Variants in RHBDF2 observed in about 807,000 individuals in gnomAD.
RHBDF2 encodes the protein rhomboid 5 homolog 2.
Under a neutral mutation model 95.2 loss-of-function variants are expected in RHBDF2, and 38 were observed. The ratio of observed to expected loss-of-function variants is 0.40; its 90% CI spans 0.31 to 0.52. The LOEUF (loss-of-function observed/expected upper bound fraction) is 0.52. RHBDF2 is among the 20% of genes least tolerant of loss of function. The pLI, the probability that RHBDF2 is intolerant of heterozygous loss-of-function variation, is 0.56. For missense variants in RHBDF2, 863 were observed against 1,137.7 expected (o/e 0.76, Z 3.47); for synonymous variants, 442 against 462.0 (o/e 0.96, Z 0.55).
At chr17:76,484,819 G>T (rs933616954) in intron 2 of RHBDF2, among the ~76,000 whole-genome samples, 2 of 152,140 alleles carry the variant, frequency 1.3e-5, no homozygotes, top group Non-Finnish European at 2.9e-5. Flanking sequence ...TGGGGGTGGG[G>T]TTCATGATCA....
chr17:76,499,701 G>A (rs2074527979), intron 1 of RHBDF2, among the ~76,000 whole-genome samples: 1 of 152,206 alleles, frequency 6.6e-6, no homozygotes, highest in Non-Finnish European at 1.5e-5. Flanking sequence ...GAGTTCAGAA[G>A]GGAAAATTCC....
intron 1 of RHBDF2, among the ~76,000 whole-genome samples, chr17:76,499,338 G>A (rs189866838): frequency 2.6e-5 from 4 of 152,166 alleles, no homozygotes; most frequent in African/African-American, 4.8e-5. Context: ...GGGCATGGAC[G>A]TGGCTGCTTC....
intron 3 of RHBDF2, 34 bp from the exon 4 acceptor site, chr17:76,479,888 G>A: frequency 6.2e-7 from 1 of 1,610,166 alleles, no homozygotes; most frequent in Non-Finnish European, 8.5e-7. Flanking sequence ...AGGCGGTGGT[G>A]TGTGCAGCCC....
At chr17:76,498,828 CTGTG>C (rs2074501304) in intron 1 of RHBDF2, among the ~76,000 whole-genome samples, 7 of 80,122 alleles carry the variant, frequency 8.7e-5, no homozygotes, top group African/African-American at 2.4e-4. Flanking sequence ...GTGTGTGAGT[CTGTG>C]TGTGTCTGTG....
At chr17:76,488,820 C>A (rs535453465) in intron 1 of RHBDF2, among the ~76,000 whole-genome samples, 1 of 152,008 alleles carries the variant, frequency 6.6e-6, no homozygotes, top group Non-Finnish European at 1.5e-5. Flanking sequence ...TGGTGGCGGG[C>A]GCCTGTAATC....
In RHBDF2 at chr17:76,477,776, C is replaced by G; in HGVS notation, c.682G>C (p.Val228Leu). 1 of 1,611,290 alleles carries G rather than the reference C, an allele frequency of 6.2e-7. No individual in the cohort carries two copies. Among genetic ancestry groups the G allele is most frequent in the Non-Finnish European group, 8.5e-7 (1 of 1,179,936 alleles). Residue 228 changes from valine (V) to leucine (L), a missense_variant, in exon 7 of 19, where the codon GTG (valine) becomes CTG (leucine). Val to Leu is a conservative substitution (Grantham distance 32). Around this residue, in one of 2 missense-constraint regions of RHBDF2, gnomAD observed 611 missense variants for 725.5 expected, o/e 0.84. Transcript: ENST00000675367. ...AAAALLKGRS[V>L]LDATGQRCRV... ...CACCGCTGTCCGGTGGCATCCAGCA[C>G]CGAGCGCCCCTGTGCACGGGCAGAG...
Position 76,472,843 on chromosome 17 carries a change from G to A in RHBDF2, c.1911-4C>T, listed in dbSNP as rs778353972. On this transcript the variant is annotated splice_polypyrimidine_tract_variant and splice_region_variant and intron_variant, in intron 17 of 18. Coordinates refer to ENST00000675367, the MANE Select transcript of RHBDF2 (RefSeq NM_001005498.4). ...AGACACGAGGCAGTGCACCACGCTG[G>A]GGGAGGGACACACCAGGCAGCGGCC... is the stretch of plus-strand genomic sequence containing the variant. 3.8e-6 allele frequency: 6 copies of A among 1,586,242 alleles called. No individual in the cohort carries two copies. In the East Asian group the frequency reaches 1.1e-4, roughly 30 times the overall value.
chr17:76,474,336 G>C (rs745478593), intron 12 of RHBDF2, 37 bp downstream of exon 12: 1 of 1,599,088 alleles, frequency 6.3e-7, no homozygotes, highest in Non-Finnish European at 8.5e-7. Context: ...TCCGGGACCA[G>C]GGTCTGGCAG....
chr17:76,476,941 C>T lies in RHBDF2; in HGVS notation c.1004G>A (p.Arg335Gln), dbSNP rs146134173. The change falls in exon 9 of 19, where the codon CGG becomes CAG. Residue 335 changes from arginine to glutamine, a missense_variant. Arg to Gln is a conservative substitution (Grantham distance 43, BLOSUM62 1). Around this residue, in one of 2 missense-constraint regions of RHBDF2, gnomAD observed 611 missense variants for 725.5 expected, o/e 0.84. Transcript: ENST00000675367. ...GCCGAGGCCGTAGTGCCGCTTCTTCCGATCAAAGGCAAAGTGCTTCACCTT... is the reference window on the plus strand; with the variant it reads ...GCCGAGGCCGTAGTGCCGCTTCTTCTGATCAAAGGCAAAGTGCTTCACCTT... ...ASKVKHFAFD[R>Q]KKRHYGLGVV... is the part of the protein sequence containing the mutation. The T allele has an allele frequency of 3.3e-4, 528 of 1,613,970 alleles. 1 individual carries two copies. The highest frequency in any genetic ancestry group is 3.6e-4 in the Non-Finnish European group (430 of 1,180,042).
At chr17:76,481,126 G>A (rs1489819101) in intron 3 of RHBDF2, among the ~76,000 whole-genome samples, 1 of 152,202 alleles carries the variant, frequency 6.6e-6, no homozygotes, top group Admixed American at 6.5e-5. Context: ...TTACCAGCAA[G>A]CACTTTCTTG....
intron 2 of RHBDF2, among the ~76,000 whole-genome samples, chr17:76,482,890 C>T (rs547115805): frequency 3.3e-5 from 5 of 151,944 alleles, no homozygotes; most frequent in African/African-American, 1.2e-4. Flanking sequence ...AATCACACAG[C>T]TGTGTGTGGT....
At chr17:76,479,573 T>G in intron 4 of RHBDF2, 160 bp downstream of exon 4, 2 of 726,868 alleles carry the variant, frequency 2.8e-6, no homozygotes, top group South Asian at 3.1e-5. Context: ...CATTTCCCCA[T>G]CTATACCATG....
At chr17:76,494,834 C>G (rs560640207) in intron 1 of RHBDF2, among the ~76,000 whole-genome samples, 1 of 152,322 alleles carries the variant, frequency 6.6e-6, no homozygotes, top group East Asian at 1.9e-4. Context: ...CAGGTGCCTT[C>G]CACATCCCAG....
chr17:76,494,756 A>C (rs1348430095), intron 1 of RHBDF2, among the ~76,000 whole-genome samples: 1 of 152,084 alleles, frequency 6.6e-6, no homozygotes, highest in Non-Finnish European at 1.5e-5. Context: ...CATCTCAAAA[A>C]ACACACAGAC....
intron 1 of RHBDF2, among the ~76,000 whole-genome samples, chr17:76,494,169 C>T (rs2074380488): frequency 6.6e-6 from 1 of 152,150 alleles, no homozygotes; most frequent in South Asian, 2.1e-4. Context: ...GTGGTGCAGC[C>T]CCTGACGCCC....
intron 1 of RHBDF2, among the ~76,000 whole-genome samples, chr17:76,498,232 C>T (rs1047208034): frequency 3.3e-5 from 5 of 152,166 alleles, no homozygotes; most frequent in East Asian, 1.9e-4. Flanking sequence ...CTTGGGCAGG[C>T]GCAGACGTCC....
intron 17 of RHBDF2, 24 bp downstream of exon 17, chr17:76,472,981 C>T (rs374880507): frequency 3.4e-5 from 55 of 1,609,402 alleles, no homozygotes; most frequent in African/African-American, 3.3e-4. Context: ...GGGTCGGGTT[C>T]GGGGGCAGTG....
intron 1 of RHBDF2, among the ~76,000 whole-genome samples, chr17:76,494,284 C>T (rs1598170002): frequency 6.6e-6 from 1 of 152,316 alleles, no homozygotes; most frequent in African/African-American, 2.4e-5. Flanking sequence ...AGGAAGCAGG[C>T]TGAGCTGGGG....
At position 76,479,950 on chromosome 17, in the gene RHBDF2, A is replaced by C. The variant is rs770528601; in HGVS notation, c.151-96T>G. ...CTCCTATTCTGAAAACCCTGAGAAC[A>C]AACTTCAACCCTGATTTATGCCCCA... On this transcript the variant is annotated intron_variant, in intron 3 of 18. Transcript: ENST00000675367. The C allele has an allele frequency of 2.6e-6, 4 of 1,548,844 alleles. 1 individual carries two copies. In the South Asian group the frequency reaches 4.8e-5, roughly 19 times the overall value.
Sources: allele counts gnomAD v4.1 joint callset (sites outside exome capture counted in the v4.1 genomes callset), GRCh38; gene constraint gnomAD v4.1.1; regional missense constraint gnomAD v4.1.1; transcripts MANE v1.5; gene names NCBI Gene and HGNC (gene_info 2026-07-23, HGNC 2026-07-21).